Variants in NRG1 observed in about 807,000 individuals in gnomAD.
NRG1 encodes neuregulin 1.
A neutral mutation model predicts 63.8 loss-of-function variants in NRG1; 18 were observed. That is an observed-to-expected ratio of 0.28 (90% CI 0.19 to 0.42). The LOEUF is 0.42. Ranked by LOEUF, NRG1 falls within the 10% of genes least tolerant of loss-of-function variation. NRG1 has a pLI of 1.00. For missense variants in NRG1, 762 were observed against 814.7 expected (o/e 0.94, Z 0.79); for synonymous variants, 302 against 301.3 (o/e 1.00, Z -0.02).
At chr8:32,374,506 A>G (rs902668583) in intron 1 of NRG1, among the ~76,000 whole-genome samples, 3 of 152,188 alleles carry the variant, frequency 2.0e-5, no homozygotes, top group African/African-American at 7.2e-5. Flanking sequence ...AGGTTATGCA[A>G]AGAAAATGTT....
At chr8:32,066,018 C>G (rs1273780762) in intron 1 of NRG1, among the ~76,000 whole-genome samples, 3 of 152,222 alleles carry the variant, frequency 2.0e-5, no homozygotes, top group Non-Finnish European at 4.4e-5. Context: ...CCTTTGCCCA[C>G]TTTTTGATGG....
At chr8:32,048,798 C>T (rs941248164) in intron 1 of NRG1, among the ~76,000 whole-genome samples, 5 of 151,680 alleles carry the variant, frequency 3.3e-5, no homozygotes, top group Non-Finnish European at 7.4e-5. Context: ...GATATTTTGC[C>T]CGTTTTTTAA....
intron 1 of NRG1, among the ~76,000 whole-genome samples, chr8:32,482,813 T>C (rs1825470155): frequency 6.6e-6 from 1 of 152,002 alleles, no homozygotes; most frequent in South Asian, 2.1e-4. Context: ...AACAGGGTAG[T>C]GGAATAACAT....
intron 1 of NRG1, among the ~76,000 whole-genome samples, chr8:31,952,129 G>C (rs1001789715): frequency 6.6e-6 from 1 of 152,170 alleles, no homozygotes; most frequent in African/African-American, 2.4e-5. Context: ...GAGTATTATA[G>C]GATGTTTCCT....
In NRG1 at chr8:32,410,176, C is replaced by CTTTTT. The variant is rs374377158; in HGVS notation, c.38-185634_38-185630dup. Among the ~76,000 whole-genome samples the CTTTTT allele has an allele frequency of 3.2e-4, 32 of 99,304 alleles. 1 individual carries two copies. Among genetic ancestry groups the CTTTTT allele is most frequent in the Admixed American group, 3.6e-4 (3 of 8,348 alleles). 65.1% of individuals were successfully genotyped at this position (99,304 alleles called of 152,430 possible). On this transcript the variant is annotated intron_variant, in intron 1 of 10. Transcript: ENST00000519301. ...CCTAAGGAAAGGATCTTTTTCTTTC[C>CTTTTT]TTTTTTTTTTTTTTTTTTTTTTGAG...
At chr8:32,300,287 A>G (rs2129475061) in intron 1 of NRG1, among the ~76,000 whole-genome samples, 1 of 152,366 alleles carries the variant, frequency 6.6e-6, no homozygotes, top group East Asian at 1.9e-4. Flanking sequence ...AATATTTTAA[A>G]ACATTAATAA....
intron 1 of NRG1, among the ~76,000 whole-genome samples, chr8:32,218,127 A>T (rs1470704248): frequency 6.6e-6 from 1 of 152,170 alleles, no homozygotes; most frequent in African/African-American, 2.4e-5. Flanking sequence ...ATGCTTGAGA[A>T]ACCTAATTCT....
intron 1 of NRG1, among the ~76,000 whole-genome samples, chr8:32,157,711 C>T (rs1044151131): frequency 6.7e-6 from 1 of 149,020 alleles, no homozygotes; most frequent in African/African-American, 2.5e-5. Context: ...TTTTTATATA[C>T]ATATCTATAT....
At chr8:32,158,299 A>G (rs1293784843) in intron 1 of NRG1, among the ~76,000 whole-genome samples, 1 of 151,290 alleles carries the variant, frequency 6.6e-6, no homozygotes. Flanking sequence ...CTCTCTACTT[A>G]TCCGTCTGGG....
At chr8:32,670,488 C>T (rs543897146) in intron 5 of NRG1, among the ~76,000 whole-genome samples, 8 of 151,980 alleles carry the variant, frequency 5.3e-5, no homozygotes, top group Non-Finnish European at 8.8e-5. Context: ...GGAGTTATTC[C>T]GTTCTTATCC....
intron 1 of NRG1, among the ~76,000 whole-genome samples, chr8:32,160,451 G>T (rs564789442): frequency 6.6e-6 from 1 of 152,322 alleles, no homozygotes; most frequent in South Asian, 2.1e-4. Context: ...GACAGTCAGT[G>T]ATGCTAAGAA....
chr8:31,697,437 T>A (rs1810187767), intron 1 of NRG1, among the ~76,000 whole-genome samples: 1 of 152,194 alleles, frequency 6.6e-6, no homozygotes, highest in Admixed American at 6.5e-5. Flanking sequence ...GAAGTGAACA[T>A]TTCTAATCCT....
chr8:32,596,436 T>G lies in NRG1; in HGVS notation c.278+431T>G, dbSNP rs192212516. Among the ~76,000 whole-genome samples, 1,344 of 151,988 alleles carry G rather than the reference T, an allele frequency of 8.8e-3. 4 individuals carry two copies. The highest frequency in any genetic ancestry group is 0.037 in the Middle Eastern group (11 of 294). Reference sequence around the variant, plus strand: ...CTGGCCAACATGGTGAAACCCTGTCTCTACTAAAAACACAAAAAGTAGCTG... The same window carrying G: ...CTGGCCAACATGGTGAAACCCTGTCGCTACTAAAAACACAAAAAGTAGCTG... On this transcript the variant is annotated intron_variant, in intron 2 of 11. Transcript: ENST00000356819.
intron 1 of NRG1, among the ~76,000 whole-genome samples, chr8:31,880,220 G>A (rs1411917154): frequency 6.6e-6 from 1 of 152,126 alleles, no homozygotes; most frequent in African/African-American, 2.4e-5. Context: ...ACATAAATGT[G>A]TATTGAAAAT....
At chr8:32,069,296 G>A (rs529445754) in intron 1 of NRG1, among the ~76,000 whole-genome samples, 1 of 152,290 alleles carries the variant, frequency 6.6e-6, no homozygotes, top group African/African-American at 2.4e-5. Flanking sequence ...TAAAATCCAA[G>A]TTGGAATAAA....
At chr8:32,142,178 T>C (rs1836360582) in intron 1 of NRG1, among the ~76,000 whole-genome samples, 1 of 152,174 alleles carries the variant, frequency 6.6e-6, no homozygotes, top group South Asian at 2.1e-4. Context: ...GAGGGATGGG[T>C]ATCTGGTGGG....
chr8:32,104,150 A>T (rs927375828), intron 1 of NRG1, among the ~76,000 whole-genome samples: 4 of 152,168 alleles, frequency 2.6e-5, no homozygotes, highest in African/African-American at 9.7e-5. Flanking sequence ...CATACTACAG[A>T]CATACTACAT....
chr8:31,696,379 A>G (rs1011954003), intron 1 of NRG1, among the ~76,000 whole-genome samples: 4 of 152,184 alleles, frequency 2.6e-5, no homozygotes, highest in African/African-American at 9.7e-5. Flanking sequence ...TTGAGTGTTT[A>G]GTATGTGCCA....
At chr8:32,333,199 C>T (rs976944807) in intron 1 of NRG1, among the ~76,000 whole-genome samples, 2 of 152,122 alleles carry the variant, frequency 1.3e-5, no homozygotes, top group African/African-American at 4.8e-5. Context: ...CTCTCATTTA[C>T]GTTAATGGAA....
Sources: allele counts gnomAD v4.1 joint callset (sites outside exome capture counted in the v4.1 genomes callset), GRCh38; gene constraint gnomAD v4.1.1; transcripts MANE v1.5; gene names NCBI Gene and HGNC (gene_info 2026-07-23, HGNC 2026-07-21).